Variants in AIM2 observed in about 807,000 individuals in gnomAD.
The protein encoded by AIM2 is interferon-inducible protein AIM2.
In AIM2, 30 loss-of-function variants were observed where a neutral mutation model predicts 27.7. That is an observed-to-expected ratio of 1.08 (90% CI 0.81 to 1.47). The LOEUF (loss-of-function observed/expected upper bound fraction) is 1.47. Among genes scored for constraint, AIM2 ranks in the 40% most tolerant of loss-of-function variants. The pLI is 0.00. For missense variants in AIM2, 358 were observed against 411.3 expected, an observed-to-expected ratio of 0.87 and a Z score of 1.12; for synonymous variants, 141 against 145.3, an observed-to-expected ratio of 0.97 and a Z score of 0.21.
chr1:159,084,672 T>C (rs1357169784), intron 1 of AIM2, among the ~76,000 whole-genome samples: 4 of 151,362 alleles, frequency 2.6e-5, no homozygotes, highest in South Asian at 4.2e-4. Flanking sequence ...ACTTGGGAGG[T>C]TGAGGCAGGA....
intron 1 of AIM2, among the ~76,000 whole-genome samples, chr1:159,090,257 G>A (rs1657015388): frequency 6.6e-6 from 1 of 152,142 alleles, no homozygotes; most frequent in Non-Finnish European, 1.5e-5. Context: ...GTTTCTTGGG[G>A]ACCCAACATA....
chr1:159,107,299 T>C (rs1402720266), intron 1 of AIM2, among the ~76,000 whole-genome samples: 2 of 150,542 alleles, frequency 1.3e-5, no homozygotes, highest in East Asian at 3.9e-4. Context: ...CAGATGTACA[T>C]GTGTGTATGT....
intron 1 of AIM2, among the ~76,000 whole-genome samples, chr1:159,121,472 T>A (rs1023709012): frequency 1.3e-5 from 2 of 152,218 alleles, no homozygotes; most frequent in Non-Finnish European, 2.9e-5. Flanking sequence ...CGTGCTTTTG[T>A]AAGCATGTTT....
At chr1:159,056,717 CAAAAAAAAAAAAA>C in the AIM2 span, among the ~76,000 whole-genome samples, 693 of 44,276 alleles carry the variant, frequency 0.016, 10 homozygotes, top group African/African-American at 0.046. Context: ...GCCCAACCGG[CAAAAAAAAAAAAA>C]AAAAAAAAAA....
chr1:159,132,791 C>T (rs561352442), intron 1 of AIM2, among the ~76,000 whole-genome samples: 7 of 152,180 alleles, frequency 4.6e-5, no homozygotes, highest in Non-Finnish European at 1.0e-4. Context: ...TCCAGTACCT[C>T]CAAATGGGTC....
chr1:159,064,614 C>T (rs1570936502), intron 4 of AIM2, among the ~76,000 whole-genome samples: 1 of 152,090 alleles, frequency 6.6e-6, no homozygotes, highest in Non-Finnish European at 1.5e-5. Flanking sequence ...TATAGGTGTC[C>T]GCCAATACAC....
At chr1:159,121,435 A>C (rs555875715) in intron 1 of AIM2, among the ~76,000 whole-genome samples, 24 of 152,334 alleles carry the variant, frequency 1.6e-4, no homozygotes, top group Admixed American at 3.9e-4. Context: ...AAATGGGAAA[A>C]TTATAAGATC....
intron 1 of AIM2, among the ~76,000 whole-genome samples, chr1:159,117,430 T>C (rs1030522087): frequency 6.6e-6 from 1 of 152,066 alleles, no homozygotes; most frequent in East Asian, 1.9e-4. Context: ...TAATAATATA[T>C]CAAGTATAAC....
rs778334486 is a variant in AIM2 at position 159,073,262 on chromosome 1, G to A, written c.238C>T (p.Arg80Cys). ...CCTTTCTCCTTCTCCTCCTGAAGAC[G>A]TTTTGCCAAAAGCATATAATTCAAC... ...QKLNYMLLAK[R>C]LQEEKEKVDK... Residue 80 changes from arginine (R) to cysteine (C), a missense_variant, in exon 2 of 6, where the codon CGT becomes TGT. Coordinates refer to ENST00000368130, the MANE Select transcript of AIM2 (RefSeq NM_004833.3). 19 of 1,614,036 alleles carry A rather than the reference G, an allele frequency of 1.2e-5. No homozygotes were observed. Among genetic ancestry groups the A allele is most frequent in the Admixed American group, 8.3e-5 (5 of 59,990 alleles).
chr1:159,065,705 G>T (rs1656058014), intron 4 of AIM2, among the ~76,000 whole-genome samples: 1 of 152,174 alleles, frequency 6.6e-6, no homozygotes, highest in South Asian at 2.1e-4. Context: ...AGTTGAAATA[G>T]GATCGTGACA....
At chr1:159,077,186 CA>C (rs1656641803), upstream of AIM2, among the ~76,000 whole-genome samples, 1 of 152,086 alleles carries the variant, frequency 6.6e-6, no homozygotes, top group South Asian at 2.1e-4. Context: ...AAACCAACGA[CA>C]CCCTCAAGGG....
chr1:159,102,772 T>C (rs1657345113), intron 1 of AIM2, among the ~76,000 whole-genome samples: 1 of 152,188 alleles, frequency 6.6e-6, no homozygotes, highest in Non-Finnish European at 1.5e-5. Context: ...TTGGAATGAG[T>C]GTATTTACTT....
chr1:159,088,875 C>T (rs1239392137), intron 1 of AIM2, among the ~76,000 whole-genome samples: 4 of 152,160 alleles, frequency 2.6e-5, no homozygotes, highest in East Asian at 1.9e-4. Context: ...TTCTCGGCCT[C>T]GAGAACTGTA....
At chr1:159,080,467 C>A (rs1029162753), upstream of AIM2, among the ~76,000 whole-genome samples, 3 of 152,136 alleles carry the variant, frequency 2.0e-5, no homozygotes, top group African/African-American at 4.8e-5. Flanking sequence ...TTTAGTGATG[C>A]CTCAATTTCA....
At chr1:159,092,027 A>G (rs992825251) in intron 1 of AIM2, among the ~76,000 whole-genome samples, 7 of 152,264 alleles carry the variant, frequency 4.6e-5, no homozygotes, top group African/African-American at 1.7e-4. Flanking sequence ...GAAAAAAACA[A>G]TTAAGTGAAA....
chr1:159,124,473 C>T (rs540642283), intron 1 of AIM2, among the ~76,000 whole-genome samples: 4 of 152,302 alleles, frequency 2.6e-5, no homozygotes, highest in South Asian at 4.1e-4. Flanking sequence ...TCTGTTCTCT[C>T]GTCTATTGCT....
At chr1:159,143,365 T>C (rs1189740519), upstream of AIM2, among the ~76,000 whole-genome samples, 1 of 152,110 alleles carries the variant, frequency 6.6e-6, no homozygotes, top group Admixed American at 6.5e-5. Flanking sequence ...ATTGTGTCTA[T>C]TATAGACTTG....
intron 1 of AIM2, among the ~76,000 whole-genome samples, chr1:159,108,027 G>A (rs1657489817): frequency 6.6e-6 from 1 of 152,186 alleles, no homozygotes. Flanking sequence ...CATAGAGAAA[G>A]AGGGAACCCT....
At chr1:159,083,983 TACC>T (rs1462804357) in intron 1 of AIM2, among the ~76,000 whole-genome samples, 1 of 152,216 alleles carries the variant, frequency 6.6e-6, no homozygotes, top group Non-Finnish European at 1.5e-5. Flanking sequence ...AGCTAACCTT[TACC>T]ACTCAGCCAG....
Sources: gnomAD v4.1 joint callset for allele counts (sites outside exome capture counted in the v4.1 genomes callset) on GRCh38, gnomAD v4.1.1 for gene constraint, MANE v1.5 for transcripts, NCBI Gene and HGNC (gene_info 2026-07-23, HGNC 2026-07-21) for gene names.